PPP5C: variants seen among roughly 807,000 people sequenced by gnomAD.
PPP5C encodes serine/threonine-protein phosphatase 5.
A neutral mutation model predicts 66.7 loss-of-function variants in PPP5C; 21 were observed. The ratio of observed to expected loss-of-function variants is 0.31; its 90% CI spans 0.22 to 0.45. The LOEUF is 0.45. Ranked by LOEUF, PPP5C falls within the 20% of genes least tolerant of loss-of-function variation. PPP5C has a pLI of 1.00. For missense variants in PPP5C, 464 were observed against 675.9 expected (o/e 0.69, Z 3.48); for synonymous variants, 246 against 257.4 (o/e 0.96, Z 0.43).
intron 2 of PPP5C, among the ~76,000 whole-genome samples, chr19:46,370,186 A>G (rs1164825480): frequency 1.3e-5 from 2 of 152,178 alleles, no homozygotes; most frequent in Non-Finnish European, 2.9e-5. Context: ...AAACTTTTTA[A>G]TTTTTTAAAA....
intron 1 of PPP5C, among the ~76,000 whole-genome samples, chr19:46,351,239 G>A (rs1972178703): frequency 6.6e-6 from 1 of 151,988 alleles, no homozygotes; most frequent in Non-Finnish European, 1.5e-5. Context: ...AACTTCTCTG[G>A]GCCTCTGTTT....
At chr19:46,367,659 T>G (rs1483804519) in intron 2 of PPP5C, among the ~76,000 whole-genome samples, 1 of 152,166 alleles carries the variant, frequency 6.6e-6, no homozygotes, top group Non-Finnish European at 1.5e-5. Flanking sequence ...TGGTTGCTCC[T>G]CTCTGCAAGC....
intron 2 of PPP5C, among the ~76,000 whole-genome samples, chr19:46,367,897 C>T (rs1972517440): frequency 6.6e-6 from 1 of 152,130 alleles, no homozygotes; most frequent in Admixed American, 6.6e-5. Flanking sequence ...TAGCTCAGGT[C>T]CGACTCTCAG....
chr19:46,387,383 G>C lies in PPP5C; in HGVS notation c.1065G>C (p.Leu355=). The C allele has an allele frequency of 6.2e-7, 1 of 1,610,732 alleles. No homozygotes were observed. ...NGKVLIMHGG[L]FSEDGVTLDD... Reference sequence around the variant, plus strand: ...CTCCCCAGATCATGCACGGAGGCCTGTTCAGTGAAGACGGTGTCACCCTGG... The same window carrying C: ...CTCCCCAGATCATGCACGGAGGCCTCTTCAGTGAAGACGGTGTCACCCTGG... Residue 355 remains leucine, a synonymous_variant, in exon 9 of 13, where the codon CTG becomes CTC. Transcript: ENST00000012443.
chr19:46,381,991 A>T (rs1972799225), intron 4 of PPP5C: 1 of 152,136 alleles, frequency 6.6e-6, no homozygotes, highest in East Asian at 1.9e-4. Context: ...GAACTGTGGG[A>T]GGCCTCTGGT....
chr19:46,359,257 CA>C (rs1455910377), intron 2 of PPP5C, among the ~76,000 whole-genome samples: 1 of 152,120 alleles, frequency 6.6e-6, no homozygotes. Context: ...CTGATTTATA[CA>C]GCTGCGTCTC....
chr19:46,383,456 G>C lies in PPP5C; in HGVS notation c.679G>C (p.Val227Leu), dbSNP rs1212613290. The C allele has an allele frequency of 6.2e-7, 1 of 1,609,458 alleles. No homozygotes were observed. Among genetic ancestry groups the C allele is most frequent in the African/African-American group, 1.3e-5 (1 of 74,930 alleles). The change falls in exon 5 of 13, where the codon GTG (valine) becomes CTG (leucine). Residue 227 changes from valine (V) to leucine (L), a missense_variant. Coordinates refer to ENST00000012443, the MANE Select transcript of PPP5C (RefSeq NM_006247.4). The surrounding 1 kb of genome is among the most constrained non-coding windows in gnomAD (Gnocchi z 5.0). ...GGTCCTCTCCAAGCTGAGCACGCTC[G>C]TGGAAACCACACTCAAAGAGGTGCG... ...KEVLSKLSTL[V>L]ETTLKETEKI...
intron 2 of PPP5C, among the ~76,000 whole-genome samples, chr19:46,355,304 T>A (rs2239379): frequency 6.6e-6 from 1 of 151,650 alleles, no homozygotes; most frequent in African/African-American, 2.4e-5. Context: ...CTTCACTCCC[T>A]CCTTCCCTTG....
chr19:46,369,455 A>T (rs1972545574), intron 2 of PPP5C, among the ~76,000 whole-genome samples: 1 of 151,878 alleles, frequency 6.6e-6, no homozygotes, highest in Admixed American at 6.6e-5. Flanking sequence ...ACACGGTGAA[A>T]CACCGTCTCT....
chr19:46,384,773 C>T (rs1050454203), intron 6 of PPP5C, 31 bp from the exon 7 acceptor site: 1 of 1,558,972 alleles, frequency 6.4e-7, no homozygotes. Flanking sequence ...CCTTCCCCTC[C>T]ACGCTTGCCA....
intron 9 of PPP5C, 105 bp downstream of exon 9, chr19:46,387,558 C>T: frequency 6.3e-7 from 1 of 1,590,310 alleles, no homozygotes; most frequent in Non-Finnish European, 8.6e-7. Context: ...GTGCCCTTGG[C>T]AAGAAACAGC....
chr19:46,352,498 G>C (rs1350734877), intron 1 of PPP5C, among the ~76,000 whole-genome samples: 1 of 152,176 alleles, frequency 6.6e-6, no homozygotes, highest in Non-Finnish European at 1.5e-5. Context: ...GTGAGAGTGG[G>C]AGCCTTTTGG....
chr19:46,378,726 T>G lies in PPP5C; in HGVS notation c.633+2152T>G, dbSNP rs967615671. On this transcript the variant is annotated intron_variant, in intron 4 of 12. Transcript: ENST00000012443. The stretch of plus-strand genomic sequence containing the variant: ...ACTTTTTGGCTTGAAATCCCTGTTT[T>G]CTATTAAAATAGTTAAACCAGATTT... Among the ~76,000 whole-genome samples, 3 of 152,232 alleles carry G rather than the reference T, an allele frequency of 2.0e-5. No individual in the cohort carries two copies. In the East Asian group the frequency reaches 5.8e-4, roughly 29 times the overall value.
chr19:46,383,382 G>A lies in PPP5C; in HGVS notation c.634-29G>A, dbSNP rs776321530. The A allele has an allele frequency of 1.1e-5, 18 of 1,604,518 alleles. No individual in the cohort carries two copies. Among genetic ancestry groups the A allele is most frequent in the Admixed American group, 8.5e-5 (5 of 58,948 alleles). On this transcript the variant is annotated intron_variant, in intron 4 of 12. Coordinates refer to ENST00000012443, the MANE Select transcript of PPP5C (RefSeq NM_006247.4). The surrounding 1 kb of genome is among the most constrained non-coding windows in gnomAD (Gnocchi z 5.0). ...AGGTTGGGCAGCAGCCCCTGCAGCC[G>A]GTCCCACTGAGTCTGCCCTGCCTTC...
In PPP5C at chr19:46,353,964, G is replaced by A. The variant is rs749045957; in HGVS notation, c.338G>A (p.Arg113Gln). 5.0e-6 allele frequency: 8 copies of A among 1,610,014 alleles called. No homozygotes were observed. The highest frequency in any genetic ancestry group is 1.1e-5 in the South Asian group (1 of 90,246). Residue 113 changes from arginine (R) to glutamine (Q), a missense_variant, in exon 2 of 13, where the codon CGG becomes CAG. Arg to Gln is a conservative substitution (Grantham distance 43, BLOSUM62 1). This residue lies in a region of PPP5C where 387 missense variants were observed against 626.0 expected (regional missense o/e 0.62). Coordinates refer to ENST00000012443, the MANE Select transcript of PPP5C (RefSeq NM_006247.4). ...AGCAACATGGCACTGGGCAAGTTCC[G>A]GGCCGCGCTGCGAGACTACGAGACG... ...AASNMALGKF[R>Q]AALRDYETVV...
In PPP5C at chr19:46,387,106, A is replaced by T; in HGVS notation, c.918A>T (p.Thr306=). Residue 306 remains threonine (T), a synonymous_variant, in exon 8 of 13, where the codon ACA becomes ACT. Transcript: ENST00000012443. ...HFHLLRGNHE[T]DNMNQIYGFE... is the part of the protein sequence containing the mutation. ...CGTGTTGGCCAGGCAACCACGAGACAGACAACATGAACCAGATCTACGGTT... is the reference window on the plus strand; with the variant it reads ...CGTGTTGGCCAGGCAACCACGAGACTGACAACATGAACCAGATCTACGGTT... 6.2e-7 allele frequency: 1 copy of T among 1,614,266 alleles called. No individual in the cohort carries two copies. Among genetic ancestry groups the T allele is most frequent in the Non-Finnish European group, 8.5e-7 (1 of 1,180,052 alleles).
At chr19:46,380,291 G>C (rs1178801619) in intron 4 of PPP5C, among the ~76,000 whole-genome samples, 1 of 151,704 alleles carries the variant, frequency 6.6e-6, no homozygotes, top group Non-Finnish European at 1.5e-5. Context: ...CTGCACTCCA[G>C]CCTGGGCAAC....
rs1251475478 is a variant in PPP5C at position 46,390,529 on chromosome 19, G to A, written c.*183G>A. ...TAGGGGCAGAGTCAGGGGCTGGCCA[G>A]AGGGTCTGCTCCCTGGACAGAGAGG... On this transcript the variant is annotated 3_prime_UTR_variant, in exon 13 of 13. Coordinates refer to ENST00000012443, the MANE Select transcript of PPP5C (RefSeq NM_006247.4). 8 of 1,446,936 alleles carry A rather than the reference G, an allele frequency of 5.5e-6. No individual in the cohort carries two copies. The Admixed American group carries it at 1.2e-4, about 21-fold the overall frequency. The allele number at this position is 1,446,936 out of a possible 1,614,324, so 89.6% of individuals were successfully genotyped here. A position where few individuals can be genotyped will look rare whatever the true frequency, so the allele number is the denominator to read the frequency against.
Position 46,347,104 on chromosome 19 carries a change from T to C in PPP5C, c.8T>C (p.Met3Thr). ...TAGGGGTCGCTTTGCGGCATGGCGA[T>C]GGCGGAGGGCGAGAGGACTGAGTGT... MA[M>T]AEGERTECAE... Residue 3 changes from methionine (M) to threonine (T), a missense_variant, in exon 1 of 13, where the codon ATG (methionine) becomes ACG (threonine). Around this residue, in one of 2 missense-constraint regions of PPP5C, gnomAD observed 77 missense variants for 49.9 expected, o/e 1.54. Transcript: ENST00000012443. 1 of 1,602,402 alleles carries C rather than the reference T, an allele frequency of 6.2e-7. No homozygotes were observed. The highest frequency in any genetic ancestry group is 1.3e-5 in the African/African-American group (1 of 74,802).
Sources: allele counts gnomAD v4.1 joint callset (sites outside exome capture counted in the v4.1 genomes callset), GRCh38; gene constraint gnomAD v4.1.1; regional missense constraint gnomAD v4.1.1; non-coding constraint Gnocchi (gnomAD v3.1); transcripts MANE v1.5; gene names NCBI Gene and HGNC (gene_info 2026-07-23, HGNC 2026-07-21).